The following NRXN1 variants were observed in gnomAD, a reference collection of about 807,000 sequenced individuals.
The protein encoded by NRXN1 is neurexin-1.
Under a neutral mutation model 150.9 loss-of-function variants are expected in NRXN1, and 39 were observed. The observed-to-expected ratio is 0.26, with a 90% confidence interval of 0.20 to 0.34. NRXN1 has a LOEUF of 0.34. Among genes scored for constraint, NRXN1 ranks in the 10% least tolerant of loss-of-function variants. NRXN1 has a pLI of 1.00. For missense variants in NRXN1, 1,815 were observed against 1,949.9 expected (o/e 0.93, Z 1.30); for synonymous variants, 924 against 757.0 (o/e 1.22, Z -3.62).
chr2:50,294,668 T>C (rs1474146830), intron 17 of NRXN1, among the ~76,000 whole-genome samples: 2 of 152,088 alleles, frequency 1.3e-5, no homozygotes, highest in African/African-American at 2.4e-5. Flanking sequence ...GAAGGAATGG[T>C]ATTTGATCCA....
chr2:50,027,876 T>C (rs1688598713), intron 21 of NRXN1, among the ~76,000 whole-genome samples: 1 of 152,160 alleles, frequency 6.6e-6, no homozygotes, highest in African/African-American at 2.4e-5. Context: ...AGCCTCCTTA[T>C]ACCTTAAGGG....
chr2:50,047,350 A>G (rs1691976788), intron 21 of NRXN1, among the ~76,000 whole-genome samples: 1 of 151,850 alleles, frequency 6.6e-6, no homozygotes, highest in African/African-American at 2.4e-5. Flanking sequence ...AGGAACACAC[A>G]TATATATATG....
intron 5 of NRXN1, among the ~76,000 whole-genome samples, chr2:50,788,126 G>C (rs982344186): frequency 6.7e-6 from 1 of 148,366 alleles, no homozygotes; most frequent in African/African-American, 2.5e-5. Context: ...TTGCTCTGTC[G>C]CCCAGGCTGG....
At chr2:50,255,781 T>C (rs1019383864) in intron 17 of NRXN1, among the ~76,000 whole-genome samples, 4 of 152,312 alleles carry the variant, frequency 2.6e-5, no homozygotes, top group Non-Finnish European at 5.9e-5. Flanking sequence ...GTCATTTAAA[T>C]TAAGTTTTAT....
At chr2:50,183,427 G>T (rs930122117) in intron 18 of NRXN1, among the ~76,000 whole-genome samples, 1 of 150,974 alleles carries the variant, frequency 6.6e-6, no homozygotes, top group Admixed American at 6.6e-5. Flanking sequence ...GATTTGGGGA[G>T]TTTTTTTTTA....
At chr2:50,954,184 T>C (rs1269600913) in intron 2 of NRXN1, among the ~76,000 whole-genome samples, 2 of 152,202 alleles carry the variant, frequency 1.3e-5, no homozygotes, top group Non-Finnish European at 2.9e-5. Flanking sequence ...TCACTCCTTA[T>C]TTTCATTATA....
intron 8 of NRXN1, chr2:50,615,826 G>A (rs1678969332): frequency 6.6e-6 from 1 of 152,018 alleles, no homozygotes; most frequent in South Asian, 2.1e-4. Context: ...TCCTTTTGTA[G>A]CAGTCACTCA....
At chr2:50,380,880 G>A (rs1176968455) in intron 17 of NRXN1, among the ~76,000 whole-genome samples, 1 of 152,038 alleles carries the variant, frequency 6.6e-6, no homozygotes, top group African/African-American at 2.4e-5. Flanking sequence ...TTTCTTGTAA[G>A]CCTAATAAGC....
chr2:50,819,000 T>A (rs1012496045), intron 5 of NRXN1, among the ~76,000 whole-genome samples: 2 of 152,036 alleles, frequency 1.3e-5, no homozygotes, highest in African/African-American at 4.8e-5. Context: ...CCTGTTACGA[T>A]GGCCATAACC....
chr2:50,320,811 G>C (rs925597662), intron 17 of NRXN1, among the ~76,000 whole-genome samples: 4 of 152,150 alleles, frequency 2.6e-5, no homozygotes, highest in African/African-American at 9.7e-5. Flanking sequence ...CAAACACTTT[G>C]AAGTCTGGCT....
intron 5 of NRXN1, among the ~76,000 whole-genome samples, chr2:50,874,019 G>T (rs554403777): frequency 2.6e-5 from 4 of 151,976 alleles, no homozygotes; most frequent in African/African-American, 9.6e-5. Flanking sequence ...CAACCAATTT[G>T]CCTCATATGG....
chr2:49,974,422 A>T (rs1678580968), intron 21 of NRXN1, among the ~76,000 whole-genome samples: 1 of 152,222 alleles, frequency 6.6e-6, no homozygotes, highest in Admixed American at 6.5e-5. Context: ...AAAAAGGCTT[A>T]TTTTCATGCA....
intron 17 of NRXN1, among the ~76,000 whole-genome samples, chr2:50,262,450 C>T (rs1406450977): frequency 6.6e-6 from 1 of 151,880 alleles, no homozygotes; most frequent in African/African-American, 2.4e-5. Context: ...TATGTAATTA[C>T]TGAGGTCTTC....
intron 13 of NRXN1, among the ~76,000 whole-genome samples, chr2:50,503,281 C>G (rs1337946794): frequency 6.7e-6 from 1 of 150,166 alleles, no homozygotes; most frequent in Non-Finnish European, 1.5e-5. Flanking sequence ...GCACTCTAAC[C>G]TGGGTGACAG....
At chr2:50,141,554 A>G (rs891502303) in intron 18 of NRXN1, among the ~76,000 whole-genome samples, 35 of 152,078 alleles carry the variant, frequency 2.3e-4, no homozygotes, top group Admixed American at 2.3e-3. Context: ...TTTGCAAACT[A>G]TTCATCCAAG....
At chr2:50,502,875 A>T (rs528093447) in intron 13 of NRXN1, among the ~76,000 whole-genome samples, 1 of 152,278 alleles carries the variant, frequency 6.6e-6, no homozygotes, top group South Asian at 2.1e-4. Flanking sequence ...AGTAGCAATG[A>T]TACCCCAGCA....
intron 5 of NRXN1, among the ~76,000 whole-genome samples, chr2:50,910,267 T>A (rs1384777190): frequency 6.6e-6 from 1 of 152,044 alleles, no homozygotes; most frequent in African/African-American, 2.4e-5. Flanking sequence ...ATTTGACTCA[T>A]CATTAGACAC....
intron 8 of NRXN1, among the ~76,000 whole-genome samples, chr2:50,614,690 GGAAGTA>G (rs1405859227): frequency 2.3e-5 from 3 of 132,516 alleles, no homozygotes; most frequent in African/African-American, 8.5e-5. Context: ...ATCCCCTTTT[GGAAGTA>G]GAAGTAGATT....
chr2:50,678,883 C>A lies in NRXN1; in HGVS notation c.833-55268G>T, dbSNP rs190641721. On this transcript the variant is annotated intron_variant, in intron 5 of 22. Transcript: ENST00000401669. ...TAAGTTATATTTTACTGGTTTTAGA[C>A]CCTAAAGAGATAGAGCTTAGAATGA... Among the ~76,000 whole-genome samples, 43 of 152,032 alleles carry A rather than the reference C, an allele frequency of 2.8e-4. No homozygotes were observed. In the East Asian group the frequency reaches 5.4e-3, roughly 19 times the overall value.
Sources: allele counts gnomAD v4.1 joint callset (sites outside exome capture counted in the v4.1 genomes callset), GRCh38; gene constraint gnomAD v4.1.1; transcripts MANE v1.5; gene names NCBI Gene and HGNC (gene_info 2026-07-23, HGNC 2026-07-21).